TRAK1: variants seen among roughly 807,000 people sequenced by gnomAD.
TRAK1 encodes trafficking kinesin-binding protein 1.
TRAK1 carries 33 observed loss-of-function variants against 92.1 expected under a neutral mutation model. The ratio of observed to expected loss-of-function variants is 0.36; its 90% confidence interval spans 0.27 to 0.48. The LOEUF is 0.48. Ranked by LOEUF, TRAK1 falls within the 20% of genes least tolerant of loss-of-function variation. The pLI is 0.99. For synonymous variants in TRAK1, 521 were observed against 517.3 expected (o/e 1.01, Z -0.10); for missense variants, 1,123 against 1,257.9 (o/e 0.89, Z 1.62).
chr3:42,091,364 T>G lies in TRAK1; in HGVS notation c.-106T>G. On this transcript the variant is annotated 5_prime_UTR_variant, in exon 1 of 16. Coordinates refer to ENST00000327628, the MANE Select transcript of TRAK1 (RefSeq NM_001042646.3). ...GCCCTAACAAGCAAACTCAGAAAAC[T>G]GCTGAGGAAGGCACGGGAGGGTGGC... 1 of 982,154 alleles carries G rather than the reference T, an allele frequency of 1.0e-6. No homozygotes were observed. Among genetic ancestry groups the G allele is most frequent in the Non-Finnish European group, 1.5e-6 (1 of 652,214 alleles). 60.8% of individuals were successfully genotyped at this position (982,154 alleles called of 1,614,324 possible). A position where few individuals can be genotyped will look rare whatever the true frequency, so the allele number is the denominator to read the frequency against.
At chr3:42,103,478 C>A (rs1385774854) in intron 1 of TRAK1, among the ~76,000 whole-genome samples, 1 of 152,114 alleles carries the variant, frequency 6.6e-6, no homozygotes, top group Non-Finnish European at 1.5e-5. Context: ...CCTGGCCATG[C>A]GTTCTTAATA....
chr3:42,117,070 C>T (rs1709255933), intron 1 of TRAK1, among the ~76,000 whole-genome samples: 1 of 152,124 alleles, frequency 6.6e-6, no homozygotes, highest in African/African-American at 2.4e-5. Flanking sequence ...GTCAGCATGT[C>T]AAGGACTGGG....
intron 15 of TRAK1, among the ~76,000 whole-genome samples, 190 bp downstream of exon 15, chr3:42,219,786 G>GTTTTTTTTTTTTTTTTTTTTTTTTT: frequency 1.6e-5 from 1 of 63,526 alleles, no homozygotes; most frequent in African/African-American, 4.3e-5. Flanking sequence ...GTTGTTATGT[G>GTTTTTTTTTTTTTTTTTTTTTTTTT]TTTTTTTTTT....
At chr3:42,077,076 G>T (rs1704195159) in intron 1 of TRAK1, among the ~76,000 whole-genome samples, 1 of 152,084 alleles carries the variant, frequency 6.6e-6, no homozygotes, top group African/African-American at 2.4e-5. Context: ...GATCCTTCTA[G>T]CTTTGTTCTT....
intron 1 of TRAK1, among the ~76,000 whole-genome samples, chr3:42,023,514 C>T (rs1444679583): frequency 6.6e-6 from 1 of 152,020 alleles, no homozygotes; most frequent in African/African-American, 2.4e-5. Flanking sequence ...CAGCTGGAAG[C>T]TCTGGCTGTA....
intron 1 of TRAK1, among the ~76,000 whole-genome samples, chr3:42,046,503 G>C (rs915754960): frequency 1.3e-5 from 2 of 152,130 alleles, no homozygotes; most frequent in Admixed American, 1.3e-4. Context: ...ATCTCGCCTG[G>C]CTGCCTGGGC....
chr3:42,169,201 A>G (rs1194158167), intron 2 of TRAK1, among the ~76,000 whole-genome samples: 1 of 150,446 alleles, frequency 6.6e-6, no homozygotes, highest in African/African-American at 2.5e-5. Flanking sequence ...CTTATACATT[A>G]TATGAATGGA....
At chr3:42,112,084 A>C (rs932503463) in intron 1 of TRAK1, among the ~76,000 whole-genome samples, 1 of 150,910 alleles carries the variant, frequency 6.6e-6, no homozygotes, top group Admixed American at 6.6e-5. Context: ...AAGTTTGGGA[A>C]GAGGAATTCC....
chr3:42,156,364 G>C (rs2149279127), intron 2 of TRAK1, among the ~76,000 whole-genome samples: 1 of 152,360 alleles, frequency 6.6e-6, no homozygotes, highest in South Asian at 2.1e-4. Context: ...ATATCGTGAA[G>C]AGTGTCTAAA....
intron 2 of TRAK1, among the ~76,000 whole-genome samples, chr3:42,126,983 G>C (rs1710643547): frequency 6.6e-6 from 1 of 152,168 alleles, no homozygotes; most frequent in African/African-American, 2.4e-5. Flanking sequence ...TAGATATGAA[G>C]CATGTTAGAA....
intron 14 of TRAK1, chr3:42,217,121 A>T (rs1709804310): frequency 4.3e-6 from 1 of 232,890 alleles, no homozygotes; most frequent in African/African-American, 2.5e-5. Flanking sequence ...TTTTTTTAGA[A>T]CTTGCTCTCT....
intron 3 of TRAK1, among the ~76,000 whole-genome samples, chr3:42,181,546 AAACC>A (rs1192771172): frequency 6.6e-6 from 1 of 152,196 alleles, no homozygotes; most frequent in Non-Finnish European, 1.5e-5. Flanking sequence ...TCCATATCAA[AAACC>A]AACAAAAAAT....
At chr3:42,150,294 T>G (rs1260476707) in intron 2 of TRAK1, among the ~76,000 whole-genome samples, 3 of 152,064 alleles carry the variant, frequency 2.0e-5, no homozygotes, top group Non-Finnish European at 2.9e-5. Flanking sequence ...GCTGGACAGG[T>G]CTCAGGAGGT....
At chr3:42,152,329 G>A (rs887309574) in intron 2 of TRAK1, among the ~76,000 whole-genome samples, 3 of 152,134 alleles carry the variant, frequency 2.0e-5, no homozygotes, top group Admixed American at 1.3e-4. Context: ...AATAGCCAGC[G>A]ATCAATGCAA....
At chr3:42,116,933 T>C (rs1709236943) in intron 1 of TRAK1, among the ~76,000 whole-genome samples, 1 of 152,094 alleles carries the variant, frequency 6.6e-6, no homozygotes. Context: ...AGTCCCAGAG[T>C]GTGGCGCCAG....
At position 42,194,879 on chromosome 3, in the gene TRAK1, C is replaced by T. The variant is rs370668547; in HGVS notation, c.1051C>T (p.Arg351Trp). ...HEAQEELKNL[R>W]NKTMPNTTSR... ...GGCGCAGGAGGAGCTGAAGAACCTC[C>T]GGAACAAAACCATGCCCAATACCAC... The change falls in exon 10 of 16, where the codon CGG becomes TGG. Residue 351 changes from arginine to tryptophan, a missense_variant. Around this residue, in one of 3 missense-constraint regions of TRAK1, gnomAD observed 686 missense variants for 747.6 expected, o/e 0.92. Transcript: ENST00000327628. 6 of 1,613,870 alleles carry T rather than the reference C, an allele frequency of 3.7e-6. No individual in the cohort carries two copies. The highest frequency in any genetic ancestry group is 5.1e-6 in the Non-Finnish European group (6 of 1,179,920).
At chr3:42,128,945 TTCTTTAATAA>T (rs1178961147) in intron 2 of TRAK1, among the ~76,000 whole-genome samples, 2 of 152,272 alleles carry the variant, frequency 1.3e-5, no homozygotes, top group Admixed American at 1.3e-4. Flanking sequence ...ATTTCTTTTA[TTCTTTAATAA>T]AGAAGCACTT....
intron 3 of TRAK1, among the ~76,000 whole-genome samples, chr3:42,182,033 G>GCTCAGGAGATCCTCCTGC (rs1704073055): frequency 6.8e-6 from 1 of 147,380 alleles, no homozygotes; most frequent in African/African-American, 2.5e-5. Context: ...GAACTCCTGT[G>GCTCAGGAGATCCTCCTGC]CTCAGGAGAT....
At chr3:42,057,740 T>TG (rs540094601) in intron 1 of TRAK1, among the ~76,000 whole-genome samples, 5 of 152,112 alleles carry the variant, frequency 3.3e-5, no homozygotes, top group Non-Finnish European at 7.3e-5. Context: ...ACTTAGATTC[T>TG]GGGGTTGGCT....
Sources: gnomAD v4.1 joint callset for allele counts (sites outside exome capture counted in the v4.1 genomes callset) on GRCh38, gnomAD v4.1.1 for gene constraint, gnomAD v4.1.1 regional missense constraint, MANE v1.5 for transcripts, NCBI Gene and HGNC (gene_info 2026-07-23, HGNC 2026-07-21) for gene names.